The following ELP4 variants were observed in gnomAD, a reference collection of about 807,000 sequenced individuals.
ELP4 encodes elongator complex protein 4.
A neutral mutation model predicts 48.9 loss-of-function variants in ELP4; 51 were observed. The observed-to-expected ratio is 1.04, with a 90% CI of 0.83 to 1.32. The LOEUF is 1.32. ELP4 is among the 40% of genes most tolerant of loss of function. The probability of loss-of-function intolerance (pLI) is 0.00; values close to 1 mark genes in which losing one functional copy is unlikely to be tolerated. For missense variants in ELP4, 519 were observed against 514.6 expected, an observed-to-expected ratio of 1.01 and a Z score of -0.08; for synonymous variants, 210 against 189.2, an observed-to-expected ratio of 1.11 and a Z score of -0.90.
intron 6 of ELP4, among the ~76,000 whole-genome samples, chr11:31,628,760 T>C (rs1944799437): frequency 6.6e-6 from 1 of 152,028 alleles, no homozygotes; most frequent in Non-Finnish European, 1.5e-5. Context: ...ATACTTACAA[T>C]TTTATTGCAA....
At chr11:31,707,369 T>C (rs539293970) in intron 9 of ELP4, 1 of 188,182 alleles carries the variant, frequency 5.3e-6, no homozygotes, top group Non-Finnish European at 1.1e-5. Context: ...AATATACTTT[T>C]ATAACGTATA....
At chr11:31,742,025 A>G (rs1947465701) in intron 9 of ELP4, among the ~76,000 whole-genome samples, 1 of 152,188 alleles carries the variant, frequency 6.6e-6, no homozygotes, top group Non-Finnish European at 1.5e-5. Flanking sequence ...GGATAACTAG[A>G]CTAACCAACG....
intron 9 of ELP4, among the ~76,000 whole-genome samples, chr11:31,744,497 A>G (rs1426061451): frequency 5.9e-5 from 9 of 152,208 alleles, no homozygotes; most frequent in Non-Finnish European, 1.2e-4. Flanking sequence ...TCAATAAAAT[A>G]CTGGCAAACT....
chr11:31,636,342 G>C (rs1316997496), intron 7 of ELP4, among the ~76,000 whole-genome samples: 1 of 151,956 alleles, frequency 6.6e-6, no homozygotes, highest in African/African-American at 2.4e-5. Context: ...GGTATGTATA[G>C]ATAATAAAAT....
In ELP4 at chr11:31,790,119, A is replaced by AAC. The variant is rs1554982405; in HGVS notation, c.*6596_*6597dup. 215 of 771,908 alleles carry AAC rather than the reference A, an allele frequency of 2.8e-4. 2 individuals carry two copies. In the African/African-American group the frequency reaches 3.7e-3, roughly 13 times the overall value. The allele number at this position is 771,908 out of a possible 1,614,324, so 47.8% of individuals were successfully genotyped here. ...TTACAAAAAAAAAAAAAAAAAAAAA[A>AAC]ACTAATACTTTCTAACATTTTTTAC... On this transcript the variant is annotated 3_prime_UTR_variant, in exon 10 of 10. Coordinates refer to ENST00000640961, the MANE Select transcript of ELP4 (RefSeq NM_019040.5).
chr11:31,516,335 G>T (rs949761182), intron 1 of ELP4, among the ~76,000 whole-genome samples: 5 of 152,148 alleles, frequency 3.3e-5, no homozygotes, highest in Admixed American at 1.3e-4. Flanking sequence ...TATATGTACA[G>T]AAAAAGGCTA....
chr11:31,675,553 G>A (rs1214443232), intron 9 of ELP4, among the ~76,000 whole-genome samples: 3 of 152,034 alleles, frequency 2.0e-5, no homozygotes, highest in East Asian at 3.9e-4. Context: ...GAGCCACCGC[G>A]CCCAGCTACA....
chr11:31,650,890 G>A (rs1270670512), intron 9 of ELP4: 1 of 151,754 alleles, frequency 6.6e-6, no homozygotes, highest in Non-Finnish European at 1.5e-5. Flanking sequence ...TTTGGGTGAT[G>A]TGATAGTTAT....
At chr11:31,782,860 T>C (rs1036754490) in intron 9 of ELP4, among the ~76,000 whole-genome samples, 1 of 152,176 alleles carries the variant, frequency 6.6e-6, no homozygotes, top group African/African-American at 2.4e-5. Context: ...AACATTTCTG[T>C]GAAAATTTTA....
intron 2 of ELP4, among the ~76,000 whole-genome samples, chr11:31,529,986 A>T (rs751013320): frequency 6.6e-6 from 1 of 152,174 alleles, no homozygotes; most frequent in Non-Finnish European, 1.5e-5. Context: ...CCTGTGCCAG[A>T]CAGGCAATTA....
At chr11:31,584,604 C>G (rs997696185) in intron 3 of ELP4, among the ~76,000 whole-genome samples, 1 of 152,084 alleles carries the variant, frequency 6.6e-6, no homozygotes, top group African/African-American at 2.4e-5. Flanking sequence ...TCTCAGGTCA[C>G]TGCAACCTCC....
At chr11:31,731,644 TAAAGAAATAGTGGAAACAACTCCCC>T (rs1947191067) in intron 9 of ELP4, among the ~76,000 whole-genome samples, 1 of 149,622 alleles carries the variant, frequency 6.7e-6, no homozygotes, top group Non-Finnish European at 1.5e-5. Flanking sequence ...AAAGCTTCTT[TAAAGAAATAGTGGAAACAACTCCCC>T]AAATCTGGGG....
At chr11:31,536,573 A>G (rs1002804646) in intron 2 of ELP4, among the ~76,000 whole-genome samples, 45 of 152,224 alleles carry the variant, frequency 3.0e-4, no homozygotes, top group Admixed American at 2.4e-3. Flanking sequence ...GCTAGTCTCC[A>G]ACTCCTGACC....
At chr11:31,743,866 AG>A (rs1947516216) in intron 9 of ELP4, among the ~76,000 whole-genome samples, 1 of 152,214 alleles carries the variant, frequency 6.6e-6, no homozygotes, top group African/African-American at 2.4e-5. Flanking sequence ...CACATTCAAA[AG>A]CTAGCAGAAG....
At chr11:31,755,010 C>T (rs1039716937) in intron 9 of ELP4, among the ~76,000 whole-genome samples, 2 of 152,088 alleles carry the variant, frequency 1.3e-5, no homozygotes, top group African/African-American at 4.8e-5. Context: ...TTGCTGGATT[C>T]CAGGCCCAAA....
chr11:31,709,456 G>A (rs1946696756), intron 9 of ELP4, among the ~76,000 whole-genome samples: 1 of 152,102 alleles, frequency 6.6e-6, no homozygotes, highest in Non-Finnish European at 1.5e-5. Context: ...TGTTAAGTAT[G>A]TGGAAAGCAT....
At chr11:31,601,231 G>T (rs1957775082) in intron 4 of ELP4, among the ~76,000 whole-genome samples, 1 of 151,928 alleles carries the variant, frequency 6.6e-6, no homozygotes, top group Non-Finnish European at 1.5e-5. Context: ...GGCCTCAAAA[G>T]ATTTCAGTGT....
chr11:31,531,300 A>C (rs965398992), intron 2 of ELP4, among the ~76,000 whole-genome samples: 10 of 152,338 alleles, frequency 6.6e-5, no homozygotes, highest in Admixed American at 3.9e-4. Context: ...TCCTCTAATT[A>C]ATTCTACAAA....
At chr11:31,706,879 C>T in intron 9 of ELP4, 1 of 394,082 alleles carries the variant, frequency 2.5e-6, no homozygotes, top group Non-Finnish European at 4.5e-6. Context: ...TAATGTCCTC[C>T]AGTTCCATCC....
Sources: gnomAD v4.1 joint callset for allele counts (sites outside exome capture counted in the v4.1 genomes callset) on GRCh38, gnomAD v4.1.1 for gene constraint, MANE v1.5 for transcripts, NCBI Gene and HGNC (gene_info 2026-07-23, HGNC 2026-07-21) for gene names.